Variants in RABGAP1L observed in about 807,000 individuals in gnomAD.
RABGAP1L encodes rab GTPase-activating protein 1-like.
A neutral mutation model predicts 137.7 loss-of-function variants in RABGAP1L; 63 were observed. The observed-to-expected ratio is 0.46, with a 90% CI of 0.37 to 0.56. The LOEUF (loss-of-function observed/expected upper bound fraction) is 0.56, where lower values mean the gene tolerates loss of function less well. Among genes scored for constraint, RABGAP1L ranks in the 20% least tolerant of loss-of-function variants. The pLI, the probability that RABGAP1L is intolerant of heterozygous loss-of-function variation, is 0.00. For missense variants in RABGAP1L, 1,095 were observed against 1,244.0 expected (o/e 0.88, Z 1.80); for synonymous variants, 431 against 433.7 (o/e 0.99, Z 0.08).
At chr1:174,863,306 T>A (rs1650611036) in intron 19 of RABGAP1L, among the ~76,000 whole-genome samples, 1 of 151,792 alleles carries the variant, frequency 6.6e-6, no homozygotes, top group South Asian at 2.1e-4. Flanking sequence ...CTTAGTAACA[T>A]TGCTGTATTT....
intron 13 of RABGAP1L, among the ~76,000 whole-genome samples, chr1:174,533,933 AAGTGCTGGGATTAC>A (rs199876782): frequency 0.025 from 3,764 of 152,272 alleles, 58 homozygotes; most frequent in Non-Finnish European, 0.041. Context: ...CGGCCTCCCA[AAGTGCTGGGATTAC>A]AGGCATGAGC....
Position 174,612,971 on chromosome 1 carries a change from T to C in RABGAP1L, c.1711-24404T>C, listed in dbSNP as rs1039373167. 7.6e-4 allele frequency among the ~76,000 whole-genome samples: 116 copies of C among 151,800 alleles called. 1 individual carries two copies. The highest frequency in any genetic ancestry group is 1.8e-3 in the African/African-American group (73 of 41,296). ...TTTTCTTCTTTATTAGTCTTGCTAG[T>C]GGTCTATCAATTTTGTTGATCCTTT... is the stretch of plus-strand genomic sequence containing the variant. On this transcript the variant is annotated intron_variant, in intron 13 of 25. Transcript: ENST00000681986.
intron 18 of RABGAP1L, among the ~76,000 whole-genome samples, chr1:174,810,738 T>C (rs1443984142): frequency 6.6e-6 from 1 of 152,200 alleles, no homozygotes; most frequent in Non-Finnish European, 1.5e-5. Flanking sequence ...TATAGCTGTT[T>C]ATTAAAATAT....
intron 19 of RABGAP1L, among the ~76,000 whole-genome samples, chr1:174,925,310 T>C (rs796819349): frequency 7.8e-6 from 1 of 128,756 alleles, no homozygotes; most frequent in African/African-American, 3.0e-5. Context: ...ATCACGCCAC[T>C]GCACTCCAGC....
chr1:174,647,928 G>A (rs1163196375), intron 14 of RABGAP1L, among the ~76,000 whole-genome samples: 1 of 152,060 alleles, frequency 6.6e-6, no homozygotes, highest in Non-Finnish European at 1.5e-5. Flanking sequence ...TCCTGGTTTA[G>A]TCTTGGGAGG....
chr1:174,502,576 G>GTA (rs60045454), intron 13 of RABGAP1L, among the ~76,000 whole-genome samples: 5,610 of 128,972 alleles, frequency 0.043, 364 homozygotes, highest in African/African-American at 0.13. Context: ...AAAGTACACG[G>GTA]TATATATATA....
chr1:174,769,481 A>G (rs904131522), intron 18 of RABGAP1L, among the ~76,000 whole-genome samples: 1 of 152,222 alleles, frequency 6.6e-6, no homozygotes, highest in Non-Finnish European at 1.5e-5. Flanking sequence ...ATAATGGCTG[A>G]CAATCACGTC....
At chr1:174,845,150 A>T (rs1693914554) in intron 19 of RABGAP1L, among the ~76,000 whole-genome samples, 1 of 146,458 alleles carries the variant, frequency 6.8e-6, no homozygotes, top group Non-Finnish European at 1.5e-5. Flanking sequence ...TTTTCTAGAT[A>T]AACAATCATG....
intron 13 of RABGAP1L, among the ~76,000 whole-genome samples, chr1:174,437,417 C>T (rs1046443470): frequency 4.1e-4 from 63 of 152,110 alleles, no homozygotes; most frequent in African/African-American, 1.2e-3. Flanking sequence ...AGCTATGTGA[C>T]GAATGCACGA....
At chr1:174,174,501 T>C (rs373229146) in intron 1 of RABGAP1L, among the ~76,000 whole-genome samples, 1 of 152,328 alleles carries the variant, frequency 6.6e-6, no homozygotes, top group East Asian at 1.9e-4. Context: ...AATCCCGTGA[T>C]AGGCCGTCTG....
intron 10 of RABGAP1L, among the ~76,000 whole-genome samples, chr1:174,290,170 C>T (rs1217725643): frequency 6.6e-6 from 1 of 152,140 alleles, no homozygotes; most frequent in African/African-American, 2.4e-5. Flanking sequence ...GATTGCTTTG[C>T]AGGTGGGAGG....
intron 14 of RABGAP1L, among the ~76,000 whole-genome samples, chr1:174,670,412 T>G (rs1021516213): frequency 1.3e-5 from 2 of 152,120 alleles, no homozygotes; most frequent in Non-Finnish European, 2.9e-5. Flanking sequence ...TTACACCCTT[T>G]TAGTTATTTT....
chr1:174,388,915 A>T (rs955477660), intron 12 of RABGAP1L, among the ~76,000 whole-genome samples: 6 of 152,010 alleles, frequency 3.9e-5, no homozygotes, highest in Non-Finnish European at 8.8e-5. Context: ...ACCTACTTCC[A>T]CCTCCTATCA....
chr1:174,369,294 A>G (rs892145128), intron 11 of RABGAP1L, among the ~76,000 whole-genome samples: 3 of 152,016 alleles, frequency 2.0e-5, no homozygotes, highest in Non-Finnish European at 4.4e-5. Context: ...GGCTCAAGTG[A>G]TCCTCCCATC....
chr1:174,619,533 C>T (rs867423438), intron 13 of RABGAP1L, among the ~76,000 whole-genome samples: 6 of 152,148 alleles, frequency 3.9e-5, no homozygotes, highest in Non-Finnish European at 7.3e-5. Flanking sequence ...CATATCCAGC[C>T]AAACTAAGCT....
At chr1:174,471,461 A>T (rs910105206) in intron 13 of RABGAP1L, among the ~76,000 whole-genome samples, 7 of 152,256 alleles carry the variant, frequency 4.6e-5, no homozygotes, top group African/African-American at 1.7e-4. Context: ...ATTTTGCCAC[A>T]TTAAGCAAAA....
intron 1 of RABGAP1L, among the ~76,000 whole-genome samples, chr1:174,188,938 A>G (rs748683138): frequency 1.6e-4 from 24 of 152,240 alleles, no homozygotes; most frequent in Non-Finnish European, 2.4e-4. Context: ...AACGAGAGTC[A>G]GCATGTCCTT....
chr1:174,475,002 TAAATG>T (rs1658351512), intron 13 of RABGAP1L, among the ~76,000 whole-genome samples: 1 of 152,124 alleles, frequency 6.6e-6, no homozygotes, highest in Non-Finnish European at 1.5e-5. Flanking sequence ...ATGATTGTAT[TAAATG>T]TAATGTATGT....
chr1:174,161,460 G>A (rs965875149), intron 1 of RABGAP1L, among the ~76,000 whole-genome samples: 4 of 152,012 alleles, frequency 2.6e-5, no homozygotes, highest in Non-Finnish European at 5.9e-5. Flanking sequence ...CAGGCTGGTG[G>A]AACTGCTGAC....
Sources: gnomAD v4.1 joint callset for allele counts (sites outside exome capture counted in the v4.1 genomes callset) on GRCh38, gnomAD v4.1.1 for gene constraint, MANE v1.5 for transcripts, NCBI Gene and HGNC (gene_info 2026-07-23, HGNC 2026-07-21) for gene names.